WWOX: variants seen among roughly 807,000 people sequenced by gnomAD.
The protein encoded by WWOX is WW domain containing oxidoreductase.
A neutral mutation model predicts 46.2 loss-of-function variants in WWOX; 69 were observed. The observed-to-expected ratio is 1.49, with a 90% confidence interval of 1.23 to 1.82. WWOX has a LOEUF of 1.82. Ranked by LOEUF, WWOX falls within the 40% of genes most tolerant of loss-of-function variation. The pLI, the probability that WWOX is intolerant of heterozygous loss-of-function variation, is 0.00. For synonymous variants in WWOX, 359 were observed against 202.6 expected, an observed-to-expected ratio of 1.77 and a Z score of -6.56; for missense variants, 919 against 542.6, an observed-to-expected ratio of 1.69 and a Z score of -6.89.
At chr16:79,198,828 G>C (rs781565863) in intron 8 of WWOX, among the ~76,000 whole-genome samples, 2 of 152,182 alleles carry the variant, frequency 1.3e-5, no homozygotes, top group African/African-American at 4.8e-5. Flanking sequence ...CTCATAAAAT[G>C]TTTGCTAGTC....
At chr16:78,717,185 A>G (rs2048584313) in intron 8 of WWOX, among the ~76,000 whole-genome samples, 1 of 152,216 alleles carries the variant, frequency 6.6e-6, no homozygotes, top group Non-Finnish European at 1.5e-5. Flanking sequence ...TGGTTGACCT[A>G]GACTATACCA....
chr16:78,215,916 A>C (rs2036704232), intron 5 of WWOX, among the ~76,000 whole-genome samples: 1 of 137,744 alleles, frequency 7.3e-6, no homozygotes, highest in African/African-American at 2.8e-5. Context: ...ATTCCATCTC[A>C]AAAAAAAAAA....
rs943833805 is a variant in WWOX at position 78,769,789 on chromosome 16, C to T, written c.1056+337037C>T. ...TGGAAGGCCAAGGTGGAAGGATCGC[C>T]TGAGTCCAGGAGTTCGAGATCAGTG... On this transcript the variant is annotated intron_variant, in intron 8 of 8. Transcript: ENST00000566780. 7.9e-5 allele frequency among the ~76,000 whole-genome samples: 12 copies of T among 150,972 alleles called. No individual in the cohort carries two copies. The South Asian group carries it at 2.5e-3, about 32-fold the overall frequency.
intron 8 of WWOX, among the ~76,000 whole-genome samples, chr16:78,795,272 C>T (rs1294198828): frequency 2.6e-5 from 4 of 152,126 alleles, no homozygotes; most frequent in Non-Finnish European, 5.9e-5. Flanking sequence ...GGCATAAATA[C>T]TTTATATAAT....
intron 8 of WWOX, among the ~76,000 whole-genome samples, chr16:78,810,139 T>C (rs1216748272): frequency 6.6e-6 from 1 of 152,250 alleles, no homozygotes; most frequent in Non-Finnish European, 1.5e-5. Flanking sequence ...CATACAGTTC[T>C]GTTAAATGGT....
intron 1 of WWOX, among the ~76,000 whole-genome samples, chr16:78,105,398 G>T (rs1044648847): frequency 2.0e-5 from 3 of 151,732 alleles, no homozygotes; most frequent in African/African-American, 7.3e-5. Context: ...GGCAGAGGTT[G>T]CAGTGAGCTG....
intron 5 of WWOX, among the ~76,000 whole-genome samples, chr16:78,297,479 C>CA (rs1178314628): frequency 1.3e-5 from 2 of 151,936 alleles, no homozygotes; most frequent in Non-Finnish European, 2.9e-5. Context: ...CATTTGATGC[C>CA]AAAAAAATAT....
intron 4 of WWOX, among the ~76,000 whole-genome samples, chr16:78,156,534 C>T (rs1048516246): frequency 1.3e-5 from 2 of 152,278 alleles, no homozygotes; most frequent in South Asian, 2.1e-4. Flanking sequence ...TTTGTTTCTT[C>T]AGCAGATATT....
chr16:79,130,541 A>G (rs768829371), intron 8 of WWOX, among the ~76,000 whole-genome samples: 1 of 152,148 alleles, frequency 6.6e-6, no homozygotes, highest in Non-Finnish European at 1.5e-5. Flanking sequence ...GGACTGTGGA[A>G]CCTGTACATT....
intron 8 of WWOX, among the ~76,000 whole-genome samples, chr16:78,483,719 T>G (rs1379980960): frequency 6.6e-6 from 1 of 152,172 alleles, no homozygotes; most frequent in Non-Finnish European, 1.5e-5. Flanking sequence ...TACTAATTCT[T>G]TTTTTCAAAT....
At chr16:78,742,942 G>A (rs1051064128) in intron 8 of WWOX, among the ~76,000 whole-genome samples, 1 of 152,132 alleles carries the variant, frequency 6.6e-6, no homozygotes, top group African/African-American at 2.4e-5. Context: ...GAAGGCCCTG[G>A]CTTGTGGAAG....
At chr16:78,101,382 C>T (rs111314804) in intron 1 of WWOX, among the ~76,000 whole-genome samples, 64 of 72,642 alleles carry the variant, frequency 8.8e-4, no homozygotes, top group African/African-American at 2.2e-3. Flanking sequence ...GGTCTCGCTC[C>T]GTCGCCCAAA....
chr16:79,083,760 G>T lies in WWOX; in HGVS notation c.1057-127848G>T, dbSNP rs149883506. On this transcript the variant is annotated intron_variant, in intron 8 of 8. Coordinates refer to ENST00000566780, the MANE Select transcript of WWOX (RefSeq NM_016373.4). ...TTTTCACTAAGGCACAAAGGGAGCC[G>T]TGTGGAGCTCCGGAGTTCCCATCTG... 2.6e-5 allele frequency among the ~76,000 whole-genome samples: 4 copies of T among 152,326 alleles called. No individual in the cohort carries two copies. In the East Asian group the frequency reaches 7.7e-4, roughly 29 times the overall value.
At chr16:78,685,408 C>G (rs1379039170) in intron 8 of WWOX, among the ~76,000 whole-genome samples, 2 of 152,092 alleles carry the variant, frequency 1.3e-5, no homozygotes, top group Non-Finnish European at 2.9e-5. Context: ...CTAAGTCTGT[C>G]TATGGTAGAT....
chr16:79,001,737 G>A (rs1015203656), intron 8 of WWOX, among the ~76,000 whole-genome samples: 17 of 151,850 alleles, frequency 1.1e-4, no homozygotes, highest in African/African-American at 3.6e-4. Flanking sequence ...GAAATGTGGA[G>A]GAAGGGGGCG....
At chr16:78,578,667 G>A (rs1331149989) in intron 8 of WWOX, among the ~76,000 whole-genome samples, 1 of 152,074 alleles carries the variant, frequency 6.6e-6, no homozygotes, top group African/African-American at 2.4e-5. Flanking sequence ...CAGTTGTTAT[G>A]CAGTGTTTGA....
chr16:78,586,948 T>C (rs2045222699), intron 8 of WWOX, among the ~76,000 whole-genome samples: 1 of 152,200 alleles, frequency 6.6e-6, no homozygotes, highest in Non-Finnish European at 1.5e-5. Flanking sequence ...CTACAAGATA[T>C]GCCAAGATTC....
chr16:78,223,461 G>A (rs192812736), intron 5 of WWOX, among the ~76,000 whole-genome samples: 138 of 152,258 alleles, frequency 9.1e-4, no homozygotes, highest in African/African-American at 3.2e-3. Flanking sequence ...ATGTGTTGAT[G>A]GGTCTGCAAG....
chr16:78,795,941 T>C lies in WWOX; in HGVS notation c.1056+363189T>C, dbSNP rs150000759. The stretch of plus-strand genomic sequence containing the variant: ...AGTAAGCGAACGAAATGGAAGATAA[T>C]TGAGGAAGAAAATCAGATGATGTCT... On this transcript the variant is annotated intron_variant, in intron 8 of 8. Transcript: ENST00000566780. 8.5e-5 allele frequency among the ~76,000 whole-genome samples: 13 copies of C among 152,240 alleles called. No individual in the cohort carries two copies. In the East Asian group the frequency reaches 2.1e-3, roughly 25 times the overall value.
Sources: gnomAD v4.1 joint callset for allele counts (sites outside exome capture counted in the v4.1 genomes callset) on GRCh38, gnomAD v4.1.1 for gene constraint, MANE v1.5 for transcripts, NCBI Gene and HGNC (gene_info 2026-07-23, HGNC 2026-07-21) for gene names.